The following MYO16 variants were observed in gnomAD, a reference collection of about 807,000 sequenced individuals.
The protein encoded by MYO16 is myosin XVI.
In MYO16, 94 loss-of-function variants were observed where a neutral mutation model predicts 205.3. That is an observed-to-expected ratio of 0.46 (90% CI 0.39 to 0.54). The LOEUF is 0.54. MYO16 is among the 20% of genes least tolerant of loss of function. MYO16 has a pLI of 0.00. For synonymous variants in MYO16, 988 were observed against 954.0 expected, an observed-to-expected ratio of 1.04 and a Z score of -0.66; for missense variants, 2,315 against 2,387.5, an observed-to-expected ratio of 0.97 and a Z score of 0.63.
In MYO16 at chr13:109,022,132, CATAT is replaced by C. The variant is rs200628641; in HGVS notation, c.2796+2228_2796+2231del. ...ATATTTATATATACAAATATATATA[CATAT>C]ATATATTTATATATACAAATTTATA... On this transcript the variant is annotated intron_variant, in intron 23 of 34. Coordinates refer to ENST00000457511, the MANE Select transcript of MYO16 (RefSeq NM_001198950.3). Among the ~76,000 whole-genome samples the C allele has an allele frequency of 5.3e-5, 7 of 132,674 alleles. No individual in the cohort carries two copies. In the South Asian group the frequency reaches 1.4e-3, roughly 26 times the overall value. The allele number at this position is 132,674 out of a possible 152,430, so 87.0% of individuals were successfully genotyped here.
intron 32 of MYO16, among the ~76,000 whole-genome samples, chr13:109,160,918 G>A (rs1002333499): frequency 3.3e-5 from 5 of 152,200 alleles, no homozygotes; most frequent in Non-Finnish European, 5.9e-5. Flanking sequence ...GTGCTGGGTA[G>A]TGGGAATGCT....
intron 4 of MYO16, among the ~76,000 whole-genome samples, chr13:108,757,973 G>A (rs1885477713): frequency 6.6e-6 from 1 of 152,142 alleles, no homozygotes; most frequent in African/African-American, 2.4e-5. Context: ...CAAGGTGATG[G>A]TATTAGGAGA....
At chr13:109,100,513 A>G (rs1888926898) in intron 27 of MYO16, among the ~76,000 whole-genome samples, 1 of 152,242 alleles carries the variant, frequency 6.6e-6, no homozygotes, top group Non-Finnish European at 1.5e-5. Context: ...TCCTTTGGTT[A>G]AATGGTTTGA....
In MYO16 at chr13:109,027,186, C is replaced by A. The variant is rs142632559; in HGVS notation, c.2796+7275C>A. 2.4e-3 allele frequency among the ~76,000 whole-genome samples: 363 copies of A among 152,260 alleles called. 3 individuals carry two copies. Among genetic ancestry groups the A allele is most frequent in the African/African-American group, 8.3e-3 (345 of 41,570 alleles). ...GCCATTGGCATTCCTGCCTTACAGA[C>A]CCCAGTTCCTGGCTTGCAAACCTAT... On this transcript the variant is annotated intron_variant, in intron 23 of 34. Coordinates refer to ENST00000457511, the MANE Select transcript of MYO16 (RefSeq NM_001198950.3).
chr13:108,774,344 TC>T, intron 4 of MYO16, among the ~76,000 whole-genome samples: 1 of 152,306 alleles, frequency 6.6e-6, no homozygotes, highest in South Asian at 2.1e-4. Flanking sequence ...TATTTGAGTT[TC>T]ATCTCCAACA....
In MYO16 at chr13:108,871,359, TG is replaced by T. The variant is rs879486468; in HGVS notation, c.1425+5118del. Among the ~76,000 whole-genome samples, 340 of 148,662 alleles carry T rather than the reference TG, an allele frequency of 2.3e-3. 1 individual carries two copies. Among genetic ancestry groups the T allele is most frequent in the South Asian group, 6.8e-3 (32 of 4,740 alleles). ...GTGTGTGTGTGTGTGTGTGTGTGTG[TG>T]TGTCTGTGTGTTGGTTTTACATATA... On this transcript the variant is annotated intron_variant, in intron 12 of 34. Coordinates refer to ENST00000457511, the MANE Select transcript of MYO16 (RefSeq NM_001198950.3).
At chr13:108,620,279 TCTTA>T (rs1409385689) in intron 1 of MYO16, among the ~76,000 whole-genome samples, 1 of 152,192 alleles carries the variant, frequency 6.6e-6, no homozygotes, top group Non-Finnish European at 1.5e-5. Flanking sequence ...TTTATAACTT[TCTTA>T]CTTTTTGAAT....
chr13:108,628,821 CTGAAACATAAATTCTAGACTATG>C (rs1879847496), upstream of MYO16, among the ~76,000 whole-genome samples: 1 of 152,090 alleles, frequency 6.6e-6, no homozygotes, highest in Non-Finnish European at 1.5e-5. Context: ...AACCTCAAAC[CTGAAACATAAATTCTAGACTATG>C]TCAACTTGTC....
At chr13:108,504,874 T>C in the MYO16 span, among the ~76,000 whole-genome samples, 1 of 152,198 alleles carries the variant, frequency 6.6e-6, no homozygotes, top group Non-Finnish European at 1.5e-5. Context: ...GAGTTGACTC[T>C]TCTAGGTACT....
intron 3 of MYO16, among the ~76,000 whole-genome samples, chr13:108,724,486 T>C (rs1028768599): frequency 1.8e-4 from 27 of 152,320 alleles, no homozygotes; most frequent in South Asian, 1.7e-3. Flanking sequence ...TTTAGAATAT[T>C]TGCACTTACT....
At chr13:109,177,074 G>T (rs577896245) in intron 33 of MYO16, among the ~76,000 whole-genome samples, 230 of 152,246 alleles carry the variant, frequency 1.5e-3, no homozygotes, top group African/African-American at 5.3e-3. Context: ...TATCACATTT[G>T]TGCTCTCAGC....
chr13:108,904,036 T>C (rs1880843130), intron 15 of MYO16, among the ~76,000 whole-genome samples: 1 of 152,220 alleles, frequency 6.6e-6, no homozygotes, highest in African/African-American at 2.4e-5. Flanking sequence ...TAGGTGCTGT[T>C]ACTTTCATTG....
intron 32 of MYO16, among the ~76,000 whole-genome samples, chr13:109,148,408 C>T (rs920419804): frequency 1.3e-5 from 2 of 152,220 alleles, no homozygotes; most frequent in African/African-American, 4.8e-5. Flanking sequence ...AGCTAATTCC[C>T]TTACAGTCAT....
At chr13:108,830,201 G>A (rs8001386) in intron 9 of MYO16, among the ~76,000 whole-genome samples, 35,842 of 84,564 alleles carry the variant, frequency 0.42, 6,179 homozygotes, top group Middle Eastern at 0.62. Flanking sequence ...AGTCAGTGTG[G>A]CGATTCCTCA....
At chr13:108,842,586 C>G (rs1877302184) in intron 9 of MYO16, among the ~76,000 whole-genome samples, 2 of 152,022 alleles carry the variant, frequency 1.3e-5, no homozygotes, top group South Asian at 4.1e-4. Context: ...AGACAATTAT[C>G]AAAAAGACAA....
intron 20 of MYO16, among the ~76,000 whole-genome samples, chr13:108,975,642 C>T (rs577495998): frequency 6.6e-6 from 1 of 152,110 alleles, no homozygotes; most frequent in Non-Finnish European, 1.5e-5. Context: ...CTTATAGACA[C>T]GTCTCCTTTG....
chr13:109,149,340 G>A (rs958606502), intron 32 of MYO16, among the ~76,000 whole-genome samples: 1 of 152,078 alleles, frequency 6.6e-6, no homozygotes, highest in African/African-American at 2.4e-5. Flanking sequence ...TCTCCCCCTG[G>A]ACCCTTGCGT....
chr13:109,199,332 G>A (rs1185930828), intron 34 of MYO16, among the ~76,000 whole-genome samples: 1 of 150,000 alleles, frequency 6.7e-6, no homozygotes, highest in Non-Finnish European at 1.5e-5. Context: ...AAGCAGCTCA[G>A]TTGTCCCATT....
chr13:108,573,728 A>G, the MYO16 span, among the ~76,000 whole-genome samples: 1 of 152,194 alleles, frequency 6.6e-6, no homozygotes, highest in Non-Finnish European at 1.5e-5. Flanking sequence ...AGACTTTCAT[A>G]TTCTGCTCCT....
Sources: gnomAD v4.1 joint callset for allele counts (sites outside exome capture counted in the v4.1 genomes callset) on GRCh38, gnomAD v4.1.1 for gene constraint, MANE v1.5 for transcripts, NCBI Gene and HGNC (gene_info 2026-07-23, HGNC 2026-07-21) for gene names.